The following FCSK variants were observed in gnomAD, a reference collection of about 807,000 sequenced individuals.
FCSK encodes the protein fucose kinase, also known as L-fucose kinase.
FCSK carries 123 observed loss-of-function variants against 122.5 expected under a neutral mutation model. That is an observed-to-expected ratio of 1.00 (90% CI 0.87 to 1.17). The LOEUF (loss-of-function observed/expected upper bound fraction) is 1.17. Ranked by LOEUF, FCSK falls within the 50% of genes most tolerant of loss-of-function variation. FCSK has a pLI of 0.00. For missense variants in FCSK, 1,366 were observed against 1,450.4 expected (o/e 0.94, Z 0.95); for synonymous variants, 620 against 625.5 (o/e 0.99, Z 0.13).
In FCSK at chr16:70,473,270, G is replaced by A. The variant is rs764197033; in HGVS notation, c.1694G>A (p.Arg565Gln). 2.4e-5 allele frequency: 36 copies of A among 1,530,332 alleles called. 1 individual carries two copies. Among genetic ancestry groups the A allele is most frequent in the Admixed American group, 5.9e-5 (3 of 50,712 alleles). The allele number at this position is 1,530,332 out of a possible 1,614,324, so 94.8% of individuals were successfully genotyped here. A position where few individuals can be genotyped will look rare whatever the true frequency, so the allele number is the denominator to read the frequency against. Residue 565 changes from arginine to glutamine, a missense_variant, in exon 15 of 24, where the codon CGG becomes CAG. Coordinates refer to ENST00000288078, the MANE Select transcript of FCSK (RefSeq NM_145059.3). The surrounding 1 kb of genome is among the most constrained non-coding windows in gnomAD (Gnocchi z 4.9). ...LHKARHVLEA[R>Q]QDLSLRPLIW... ...AAGGCGCGGCACGTGCTGGAGGCCC[G>A]GCAGGACCTCAGCCTGCGCCCGCTG...
chr16:70,478,096 A>T, intron 20 of FCSK, 176 bp from the exon 21 acceptor site: 1 of 628,912 alleles, frequency 1.6e-6, no homozygotes, highest in Admixed American at 3.0e-5. Context: ...AGTGAAGCCC[A>T]TTCCCTTGCT....
At position 70,479,729 on chromosome 16, in the gene FCSK, C is replaced by T; in HGVS notation, c.*49C>T. On this transcript the variant is annotated 3_prime_UTR_variant, in exon 24 of 24. Transcript: ENST00000288078. The stretch of plus-strand genomic sequence containing the variant: ...AGAAAACCTGGAGCTACAGTGTCCC[C>T]CACCTTCCTTGCCCCATGGGAACCT... 2 of 1,475,330 alleles carry T rather than the reference C, an allele frequency of 1.4e-6. No individual in the cohort carries two copies. The highest frequency in any genetic ancestry group is 1.9e-6 in the Non-Finnish European group (2 of 1,063,678). The allele number at this position is 1,475,330 out of a possible 1,614,324, so 91.4% of individuals were successfully genotyped here. A position where few individuals can be genotyped will look rare whatever the true frequency, so the allele number is the denominator to read the frequency against.
rs370085424 is a variant in FCSK, at chr16:70,473,249, C to T, written c.1673C>T (p.Ala558Val). 28 of 1,533,528 alleles carry T rather than the reference C, an allele frequency of 1.8e-5. No homozygotes were observed. The highest frequency in any genetic ancestry group is 1.1e-4 in the African/African-American group (8 of 72,888). The allele number at this position is 1,533,528 out of a possible 1,614,324, so 95.0% of individuals were successfully genotyped here. A position where few individuals can be genotyped will look rare whatever the true frequency, so the allele number is the denominator to read the frequency against. ...DLFFRQALHK[A>V]RHVLEARQDL... ...TTCTTCCGCCAGGCCCTGCATAAGG[C>T]GCGGCACGTGCTGGAGGCCCGGCAG... Residue 558 changes from alanine (A) to valine (V), a missense_variant, in exon 15 of 24, where the codon GCG becomes GTG. Physicochemically the swap from Ala to Val is moderately conservative, Grantham distance 64. Transcript: ENST00000288078. The surrounding 1 kb of genome is among the most constrained non-coding windows in gnomAD (Gnocchi z 4.9).
In FCSK at chr16:70,471,204, G is replaced by A. The variant is rs370125817; in HGVS notation, c.1193G>A (p.Gly398Asp). Reference protein sequence around the residue: ...HLQGPIHIGAGCLVTGLDTAH... With the variant: ...HLQGPIHIGADCLVTGLDTAH... ...CAGGGCCCCATTCACATAGGCGCTG[G>A]CTGCTTGGTGACTGGCCTGGATACA... is the stretch of plus-strand genomic sequence containing the variant. The change falls in exon 13 of 24, where the codon GGC (glycine) becomes GAC (aspartate). Residue 398 changes from glycine to aspartate, a missense_variant. Coordinates refer to ENST00000288078, the MANE Select transcript of FCSK (RefSeq NM_145059.3). The A allele has an allele frequency of 6.2e-7, 1 of 1,607,168 alleles. No individual in the cohort carries two copies. Among genetic ancestry groups the A allele is most frequent in the South Asian group, 1.1e-5 (1 of 90,686 alleles).
chr16:70,463,045 T>G, intron 1 of FCSK, 124 bp from the exon 2 acceptor site: 1 of 570,100 alleles, frequency 1.8e-6, no homozygotes. Flanking sequence ...TTTTTTTGAG[T>G]GTAGATGGTG....
rs919151083 is a variant in FCSK at position 70,473,383 on chromosome 16, A to C, written c.1777+30A>C. The stretch of plus-strand genomic sequence containing the variant: ...GTGTGCAGGCTGGTAGTGCTGCAGA[A>C]TCAGGCCAGGGGCACCTGCCCTCCC... On this transcript the variant is annotated intron_variant, in intron 15 of 23. Transcript: ENST00000288078. The surrounding 1 kb of genome is among the most constrained non-coding windows in gnomAD (Gnocchi z 4.9). 4 of 1,466,012 alleles carry C rather than the reference A, an allele frequency of 2.7e-6. No individual in the cohort carries two copies. In the African/African-American group the frequency reaches 5.7e-5, roughly 21 times the overall value. The allele number at this position is 1,466,012 out of a possible 1,614,324, so 90.8% of individuals were successfully genotyped here.
At chr16:70,472,141 A>G (rs995144435) in intron 13 of FCSK, among the ~76,000 whole-genome samples, 5 of 152,056 alleles carry the variant, frequency 3.3e-5, no homozygotes, top group African/African-American at 7.2e-5. Context: ...TTGACAGGCT[A>G]GAGACTGGGA....
chr16:70,470,910 G>C (rs1468522494), intron 11 of FCSK, 61 bp from the exon 12 acceptor site: 52 of 1,437,976 alleles, frequency 3.6e-5, no homozygotes, highest in Non-Finnish European at 4.7e-5. Context: ...TGGCTTGGGA[G>C]GAGAGCTGGG....
At chr16:70,466,993 C>T (rs1245750162) in intron 6 of FCSK, 39 bp downstream of exon 6, 2 of 1,586,604 alleles carry the variant, frequency 1.3e-6, no homozygotes, top group South Asian at 2.2e-5. Flanking sequence ...TCCTTCGTCA[C>T]AGCCACAGCA....
At chr16:70,477,269 A>C (rs1597641084) in intron 20 of FCSK, 1 of 150,670 alleles carries the variant, frequency 6.6e-6, no homozygotes, top group Middle Eastern at 3.4e-3. Flanking sequence ...TGCAACCTCT[A>C]CCTCCCGGGT....
chr16:70,476,007 C>CTT (rs766432363), intron 20 of FCSK, among the ~76,000 whole-genome samples: 3 of 145,394 alleles, frequency 2.1e-5, no homozygotes, highest in South Asian at 4.3e-4. Context: ...GTGCTGTGCC[C>CTT]TTTTTTTTTT....
intron 3 of FCSK, among the ~76,000 whole-genome samples, chr16:70,464,818 C>T (rs889285916): frequency 1.3e-5 from 2 of 152,068 alleles, no homozygotes; most frequent in Non-Finnish European, 2.9e-5. Flanking sequence ...ACCAAGGCTG[C>T]AGTGAGCTGG....
At chr16:70,467,532 C>A in intron 7 of FCSK, 61 bp downstream of exon 7, 1 of 1,295,372 alleles carries the variant, frequency 7.7e-7, no homozygotes, top group Non-Finnish European at 1.1e-6. Context: ...AGTGGGCAGC[C>A]TCCTCCCTGT....
intron 3 of FCSK, 121 bp from the exon 4 acceptor site, chr16:70,465,005 G>A (rs1383285800): frequency 4.5e-6 from 7 of 1,554,074 alleles, no homozygotes; most frequent in Non-Finnish European, 5.2e-6. Flanking sequence ...GTTTGACCTT[G>A]CCTTTTGTCC....
At chr16:70,467,095 C>T in intron 6 of FCSK, 141 bp downstream of exon 6, 2 of 813,724 alleles carry the variant, frequency 2.5e-6, no homozygotes, top group Non-Finnish European at 4.1e-6. Context: ...GAGAATGAAG[C>T]CTGGTGGAGG....
chr16:70,469,747 G>T (rs1331303601), intron 10 of FCSK, among the ~76,000 whole-genome samples: 1 of 151,970 alleles, frequency 6.6e-6, no homozygotes, highest in African/African-American at 2.4e-5. Context: ...TGGTCAGGCT[G>T]GTCTTGAACT....
rs1385446152 is a variant in FCSK, at chr16:70,474,663, G to A, written c.2124G>A (p.Val708=). The A allele has an allele frequency of 2.5e-6, 4 of 1,601,970 alleles. No homozygotes were observed. In the East Asian group the frequency reaches 6.8e-5, roughly 27 times the overall value. ...TGCCGGGACCTGGGCAGTGGGTGGT[G>A]GCTGAGTGCCCGGCCCGTGTGGATT... ...VELPGPGQWV[V]AECPARVDFS... Residue 708 remains valine, a synonymous_variant, in exon 17 of 24, where the codon GTG becomes GTA. Transcript: ENST00000288078.
intron 7 of FCSK, 145 bp downstream of exon 7, chr16:70,467,616 C>A (rs538788212): frequency 1.6e-5 from 11 of 684,134 alleles, no homozygotes; most frequent in East Asian, 1.1e-4. Context: ...GGCAGTGGCA[C>A]CAGTGCTCCC....
intron 4 of FCSK, 40 bp from the exon 5 acceptor site, chr16:70,466,092 C>G: frequency 6.2e-7 from 1 of 1,604,530 alleles, no homozygotes; most frequent in South Asian, 1.1e-5. Flanking sequence ...GCCTTGGGCT[C>G]TGTGCACTGA....
Sources: gnomAD v4.1 joint callset for allele counts (sites outside exome capture counted in the v4.1 genomes callset) on GRCh38, gnomAD v4.1.1 for gene constraint, Gnocchi (gnomAD v3.1) non-coding constraint, MANE v1.5 for transcripts, NCBI Gene and HGNC (gene_info 2026-07-23, HGNC 2026-07-21) for gene names.